Variants in ANKRD36 observed in about 807,000 individuals in gnomAD.
ANKRD36 encodes the protein ankyrin repeat domain 36.
In ANKRD36, 179 loss-of-function variants were observed where a neutral mutation model predicts 278.1. The ratio of observed to expected loss-of-function variants is 0.64; its 90% CI spans 0.57 to 0.73. The LOEUF (loss-of-function observed/expected upper bound fraction) is 0.73. Ranked by LOEUF, ANKRD36 falls within the 30% of genes least tolerant of loss-of-function variation. The pLI, the probability that ANKRD36 is intolerant of heterozygous loss-of-function variation, is 0.00. For missense variants in ANKRD36, 1,159 were observed against 1,956.7 expected (o/e 0.59, Z 7.69); for synonymous variants, 320 against 641.1 (o/e 0.50, Z 7.57).
At chr2:97,114,058 G>A in intron 1 of ANKRD36, 122 bp downstream of exon 1, 11 of 1,483,614 alleles carry the variant, frequency 7.4e-6, no homozygotes, top group Middle Eastern at 2.4e-4. Flanking sequence ...GGGGGCTAGG[G>A]GGTGCCCGGC....
rs918386218 is a variant in ANKRD36 at position 97,113,456 on chromosome 2, G to A, written c.-284G>A. The A allele has an allele frequency of 4.2e-6, 2 of 477,950 alleles. No homozygotes were observed. The highest frequency in any genetic ancestry group is 2.0e-5 in the African/African-American group (1 of 49,504). The allele number at this position is 477,950 out of a possible 1,614,324, so 29.6% of individuals were successfully genotyped here. A position where few individuals can be genotyped will look rare whatever the true frequency, so the allele number is the denominator to read the frequency against. On this transcript the variant is annotated 5_prime_UTR_variant, in exon 1 of 76. Coordinates refer to ENST00000420699, the MANE Select transcript of ANKRD36 (RefSeq NM_001354587.1). ...CGCGCCTCGCGCTCCAGGGAGCCCC[G>A]CCCTCCCGCGGCACCTCCGCAGCAA...
intron 62 of ANKRD36, among the ~76,000 whole-genome samples, chr2:97,216,053 T>A (rs1463711351): frequency 6.6e-6 from 1 of 151,790 alleles, no homozygotes; most frequent in Non-Finnish European, 1.5e-5. Context: ...CAGATAAATT[T>A]GGAATATTTG....
chr2:97,181,472 T>C (rs2056177751), intron 24 of ANKRD36, 126 bp from the exon 25 acceptor site: 1 of 1,255,396 alleles, frequency 8.0e-7, no homozygotes, highest in Non-Finnish European at 1.1e-6. Context: ...AGACAAAAAG[T>C]AGAAAACATC....
rs1477809491 is a variant in ANKRD36, at chr2:97,208,024, T to C, written c.3265+18T>C. On this transcript the variant is annotated intron_variant, in intron 54 of 75. Coordinates refer to ENST00000420699, the MANE Select transcript of ANKRD36 (RefSeq NM_001354587.1). ...TAAGAGAGGTAATTTTGAAAAGAGA[T>C]TTAATGTCATGTTCAGTGCAGATAG... The C allele has an allele frequency of 6.6e-7, 1 of 1,506,198 alleles. No homozygotes were observed. Among genetic ancestry groups the C allele is most frequent in the East Asian group, 2.5e-5 (1 of 40,746 alleles). The allele number at this position is 1,506,198 out of a possible 1,614,324, so 93.3% of individuals were successfully genotyped here.
Position 97,156,219 on chromosome 2 carries a change from CT to C in ANKRD36, c.1260+1488del, listed in dbSNP as rs550040950. On this transcript the variant is annotated intron_variant, in intron 15 of 75. Coordinates refer to ENST00000420699, the MANE Select transcript of ANKRD36 (RefSeq NM_001354587.1). ...CATATTTTTCAGGACATACATTACT[CT>C]TTTTTTTTTATTATTATACTTTAAG... Among the ~76,000 whole-genome samples, 38 of 141,758 alleles carry C rather than the reference CT, an allele frequency of 2.7e-4. 2 individuals are homozygous for C. The highest frequency in any genetic ancestry group is 4.5e-4 in the African/African-American group (18 of 40,264). 93.0% of individuals were successfully genotyped at this position (141,758 alleles called of 152,430 possible).
chr2:97,196,842 C>G (rs1184752578), intron 42 of ANKRD36, 54 bp downstream of exon 42: 3 of 1,540,508 alleles, frequency 1.9e-6, no homozygotes, highest in Non-Finnish European at 2.6e-6. Context: ...ATAAGAAGTT[C>G]TCTTCCCCAA....
chr2:97,206,806 G>A (rs973339352), intron 52 of ANKRD36, among the ~76,000 whole-genome samples: 10 of 151,376 alleles, frequency 6.6e-5, no homozygotes, highest in African/African-American at 1.7e-4. Context: ...TTACTATTAG[G>A]CATCAGAGAT....
At chr2:97,199,013 C>T (rs1192866740) in intron 44 of ANKRD36, among the ~76,000 whole-genome samples, 11 of 152,020 alleles carry the variant, frequency 7.2e-5, no homozygotes, top group South Asian at 2.1e-4. Flanking sequence ...CTTCAGCTCG[C>T]ACTGCCAAGA....
At chr2:97,181,493 C>T in intron 24 of ANKRD36, 105 bp from the exon 25 acceptor site, 1 of 1,486,358 alleles carries the variant, frequency 6.7e-7, no homozygotes, top group East Asian at 2.4e-5. Flanking sequence ...AAAGCCTACA[C>T]TAGTACAGGC....
At chr2:97,174,704 A>G (rs916774074) in intron 22 of ANKRD36, among the ~76,000 whole-genome samples, 18 of 151,738 alleles carry the variant, frequency 1.2e-4, no homozygotes, top group Non-Finnish European at 2.5e-4. Flanking sequence ...GTCTTGTGCC[A>G]GTTTTCAAAG....
chr2:97,221,032 G>C (rs1453439402), intron 66 of ANKRD36, among the ~76,000 whole-genome samples: 3 of 108,896 alleles, frequency 2.8e-5, no homozygotes, highest in Non-Finnish European at 5.1e-5. Context: ...GCAGTGTTTG[G>C]TTTTTTGTTC....
Position 97,124,492 on chromosome 2 carries a change from A to G in ANKRD36, c.626A>G (p.Glu209Gly). 6.4e-7 allele frequency: 1 copy of G among 1,551,164 alleles called. No individual in the cohort carries two copies. The highest frequency in any genetic ancestry group is 1.4e-5 in the African/African-American group (1 of 73,196). Residue 209 changes from glutamate (E) to glycine (G), a missense_variant, in exon 5 of 76, where the codon GAA (glutamate) becomes GGA (glycine). Transcript: ENST00000420699. The stretch of plus-strand genomic sequence containing the variant: ...CTCATACATGCTGTTACTCTTGGAG[A>G]AAAAGATATAGTCATTCTTCTTCTG... ...SALIHAVTLG[E>G]KDIVILLLQH...
rs371071070 is a variant in ANKRD36, at chr2:97,198,572, C to G, written c.2683-14C>G. On this transcript the variant is annotated splice_polypyrimidine_tract_variant and intron_variant, in intron 43 of 75. Coordinates refer to ENST00000420699, the MANE Select transcript of ANKRD36 (RefSeq NM_001354587.1). ...ACTTTATTAATTTATTATTTCATTT[C>G]AAATTCCATTCAGGCTTCAAGTGCC... 99 of 1,550,588 alleles carry G rather than the reference C, an allele frequency of 6.4e-5. 4 individuals carry two copies. Among genetic ancestry groups the G allele is most frequent in the South Asian group, 4.4e-4 (37 of 83,876 alleles).
intron 56 of ANKRD36, among the ~76,000 whole-genome samples, chr2:97,210,646 G>T (rs1261997354): frequency 2.6e-5 from 4 of 151,800 alleles, no homozygotes; most frequent in African/African-American, 9.7e-5. Context: ...GGATGAAATA[G>T]CTATTTAATG....
At chr2:97,124,979 A>G (rs572624493) in intron 5 of ANKRD36, among the ~76,000 whole-genome samples, 12 of 151,890 alleles carry the variant, frequency 7.9e-5, no homozygotes, top group African/African-American at 2.9e-4. Flanking sequence ...TTATCAAAAA[A>G]CCTTGAGCTG....
At chr2:97,143,007 A>C (rs1435486494) in intron 8 of ANKRD36, among the ~76,000 whole-genome samples, 172 bp downstream of exon 8, 2 of 151,934 alleles carry the variant, frequency 1.3e-5, no homozygotes, top group South Asian at 4.2e-4. Context: ...GTCCTTGGCC[A>C]TGATCTCAGT....
chr2:97,131,417 T>C (rs531715169), intron 6 of ANKRD36, among the ~76,000 whole-genome samples: 3 of 152,018 alleles, frequency 2.0e-5, no homozygotes, highest in Non-Finnish European at 2.9e-5. Flanking sequence ...CAGGCCAGTC[T>C]CAAACTTTTG....
At chr2:97,152,640 A>G in intron 14 of ANKRD36, 106 bp downstream of exon 14, 1 of 950,132 alleles carries the variant, frequency 1.1e-6, no homozygotes, top group South Asian at 2.2e-5. Context: ...ACCATATTAC[A>G]TGCTTAACAT....
intron 14 of ANKRD36, among the ~76,000 whole-genome samples, chr2:97,153,608 G>A (rs2046681503): frequency 6.8e-6 from 1 of 147,024 alleles, no homozygotes; most frequent in Non-Finnish European, 1.5e-5. Context: ...AGGTTTCTTA[G>A]TTCAAAACGC....
Sources: allele counts gnomAD v4.1 joint callset (sites outside exome capture counted in the v4.1 genomes callset), GRCh38; gene constraint gnomAD v4.1.1; transcripts MANE v1.5; gene names NCBI Gene and HGNC (gene_info 2026-07-23, HGNC 2026-07-21).